Variants in DDX54 observed in about 807,000 individuals in gnomAD.
The protein encoded by DDX54 is ATP-dependent RNA helicase DDX54.
DDX54 carries 67 observed loss-of-function variants against 105.5 expected under a neutral mutation model. The observed-to-expected ratio is 0.64, with a 90% confidence interval of 0.52 to 0.78. The LOEUF is 0.78. DDX54 is among the 30% of genes least tolerant of loss of function. DDX54 has a pLI of 0.00. For missense variants in DDX54, 1,206 were observed against 1,230.5 expected (o/e 0.98, Z 0.30); for synonymous variants, 514 against 509.9 (o/e 1.01, Z -0.11).
chr12:113,164,960 A>C (rs4767063), intron 14 of DDX54, among the ~76,000 whole-genome samples: 39,525 of 148,474 alleles, frequency 0.27, 6,206 homozygotes, highest in Middle Eastern at 0.4. Context: ...CCAGGAGGTC[A>C]AGGCTGCAGT....
rs751370189 is a variant in DDX54 at position 113,169,797 on chromosome 12, G to A, written c.1387C>T (p.Leu463Phe). The A allele has an allele frequency of 6.2e-7, 1 of 1,614,128 alleles. No individual in the cohort carries two copies. Among genetic ancestry groups the A allele is most frequent in the South Asian group, 1.1e-5 (1 of 91,082 alleles). The change falls in exon 12 of 20, where the codon CTC becomes TTC. Residue 463 changes from leucine to phenylalanine, a missense_variant. Physicochemically the swap from Leu to Phe is conservative, Grantham distance 22. Coordinates refer to ENST00000306014, the MANE Select transcript of DDX54 (RefSeq NM_024072.4). The stretch of plus-strand genomic sequence containing the variant: ...GAGGGCTCCTTGAGGGGTCGGGCGA[G>A]GGTGAGGGAGCGGCCCAGGAACAGG... ...LHLFLGRSLT[L>F]ARPLKEPSGV... is the part of the protein sequence containing the mutation.
intron 18 of DDX54, 187 bp from the exon 19 acceptor site, chr12:113,161,569 A>G (rs994497266): frequency 6.5e-5 from 32 of 490,318 alleles, no homozygotes; most frequent in South Asian, 6.2e-4. Flanking sequence ...CGCCCCCAGC[A>G]CCAGGTCCCA....
chr12:113,157,434 C>T lies in DDX54; in HGVS notation c.*1443G>A, dbSNP rs186798120. On this transcript the variant is annotated 3_prime_UTR_variant, in exon 20 of 20. Transcript: ENST00000306014. ...GGCCTGAGGCTTTCAAAACCCAGAA[C>T]GGTTTAGGATCTCAGTCACCACCTC... The T allele has an allele frequency of 9.0e-4, 556 of 618,220 alleles. 1 individual carries two copies. The highest frequency in any genetic ancestry group is 1.1e-3 in the Non-Finnish European group (378 of 349,958). 38.3% of individuals were successfully genotyped at this position (618,220 alleles called of 1,614,324 possible). A position where few individuals can be genotyped will look rare whatever the true frequency, so the allele number is the denominator to read the frequency against.
At position 113,176,948 on chromosome 12, in the gene DDX54, G is replaced by A. The variant is rs1221196701; in HGVS notation, c.657-13C>T. On this transcript the variant is annotated splice_polypyrimidine_tract_variant and intron_variant, in intron 6 of 19. Coordinates refer to ENST00000306014, the MANE Select transcript of DDX54 (RefSeq NM_024072.4). ...CGTGGCAATAATTCTGGAAGAGGGT[G>A]CACAGGCCAGGTGACCCCAGGGCCA... 33 of 1,614,120 alleles carry A rather than the reference G, an allele frequency of 2.0e-5. No homozygotes were observed. Among genetic ancestry groups the A allele is most frequent in the Non-Finnish European group, 2.8e-5 (33 of 1,179,972 alleles).
At position 113,163,359 on chromosome 12, in the gene DDX54, A is replaced by G; in HGVS notation, c.1939-85T>C. 1 of 1,518,240 alleles carries G rather than the reference A, an allele frequency of 6.6e-7. No individual in the cohort carries two copies. The highest frequency in any genetic ancestry group is 8.8e-7 in the Non-Finnish European group (1 of 1,136,494). The allele number at this position is 1,518,240 out of a possible 1,614,324, so 94.0% of individuals were successfully genotyped here. On this transcript the variant is annotated intron_variant, in intron 15 of 19. Transcript: ENST00000306014. The surrounding 1 kb of genome is among the most constrained non-coding windows in gnomAD (Gnocchi z 5.9). ...TGCCTCCCTACCCACCAGCCTGGCC[A>G]CAGTGAGGGGCCAGTGGCTTCTCGG...
rs200064512 is a variant in DDX54 at position 113,179,960 on chromosome 12, T to G, written c.350A>C (p.Lys117Thr). ...CTTCCTCTGGATGGGTGTTGGCACC[T>G]TGTACCCCTTCTTCATGATGCCTTT... ...VFKGIMKKGY[K>T]VPTPIQRKTI... Residue 117 changes from lysine (K) to threonine (T), a missense_variant, in exon 3 of 20, where the codon AAG becomes ACG. By Grantham distance (78) the Lys-to-Thr change is moderately conservative (BLOSUM62 -1). Around this residue, in one of 3 missense-constraint regions of DDX54, gnomAD observed 33 missense variants for 56.0 expected, o/e 0.59. Coordinates refer to ENST00000306014, the MANE Select transcript of DDX54 (RefSeq NM_024072.4). 1 of 1,614,112 alleles carries G rather than the reference T, an allele frequency of 6.2e-7. No homozygotes were observed. The highest frequency in any genetic ancestry group is 1.3e-5 in the African/African-American group (1 of 75,012).
intron 12 of DDX54, among the ~76,000 whole-genome samples, chr12:113,168,738 G>A (rs1056224163): frequency 6.6e-6 from 1 of 152,056 alleles, no homozygotes; most frequent in Non-Finnish European, 1.5e-5. Context: ...CAAGACCAGC[G>A]TGGCCAACAT....
At chr12:113,159,415 T>C (rs998486924) in intron 19 of DDX54, 11 of 440,046 alleles carry the variant, frequency 2.5e-5, no homozygotes, top group Non-Finnish European at 4.4e-5. Flanking sequence ...ACCTCCCTCA[T>C]GGGTGAAGAG....
intron 12 of DDX54, 131 bp from the exon 13 acceptor site, chr12:113,166,163 G>T (rs1286778931): frequency 1.1e-6 from 1 of 870,900 alleles, no homozygotes; most frequent in Non-Finnish European, 1.7e-6. Context: ...TCACTGCAAA[G>T]AACACCAGCA....
Position 113,172,503 on chromosome 12 carries a change from G to A in DDX54, c.1129C>T (p.Arg377Cys), listed in dbSNP as rs1276574718. ...HIYSALDPTA[R>C]KINLAKFTLG... ...GTGAATTTGGCGAGATTGATCTTGC[G>A]GGCTGTCGGGTCTAGGGCACTGTAG... Residue 377 changes from arginine to cysteine, a missense_variant, in exon 11 of 20, where the codon CGC becomes TGC. Physicochemically the swap from Arg to Cys is radical, Grantham distance 180. Coordinates refer to ENST00000306014, the MANE Select transcript of DDX54 (RefSeq NM_024072.4). The A allele has an allele frequency of 6.2e-6, 10 of 1,614,132 alleles. No homozygotes were observed. The highest frequency in any genetic ancestry group is 1.3e-5 in the African/African-American group (1 of 74,954).
chr12:113,164,534 C>T (rs931496150), intron 14 of DDX54, among the ~76,000 whole-genome samples: 3 of 151,878 alleles, frequency 2.0e-5, no homozygotes, highest in African/African-American at 4.8e-5. Context: ...GCCAACACGG[C>T]GAAACCCCAT....
chr12:113,163,047 T>C lies in DDX54; in HGVS notation c.2082-2A>G, dbSNP rs2136314438. On this transcript the variant is annotated splice_acceptor_variant, in intron 16 of 19. Coordinates refer to ENST00000306014, the MANE Select transcript of DDX54 (RefSeq NM_024072.4). LOFTEE classifies it high-confidence loss of function. The surrounding 1 kb of genome is among the most constrained non-coding windows in gnomAD (Gnocchi z 5.9). ...CCCCCTTCCCCGCTGATGCTCAGGCTGCAGAGGGAGAGTGGGAGACATAAT... is the reference window on the plus strand; with the variant it reads ...CCCCCTTCCCCGCTGATGCTCAGGCCGCAGAGGGAGAGTGGGAGACATAAT... 1 of 1,609,078 alleles carries C rather than the reference T, an allele frequency of 6.2e-7. No individual in the cohort carries two copies. The highest frequency in any genetic ancestry group is 8.5e-7 in the Non-Finnish European group (1 of 1,178,952).
Position 113,177,250 on chromosome 12 carries a change from G to A in DDX54, c.615-157C>T, listed in dbSNP as rs144023194. On this transcript the variant is annotated intron_variant, in intron 5 of 19. Transcript: ENST00000306014. Reference sequence around the variant, plus strand: ...GCCAGTGCTGAGGTATGAGGCAAAGGCATTGCCCTGACAAGAGATACAAGC... The same window carrying A: ...GCCAGTGCTGAGGTATGAGGCAAAGACATTGCCCTGACAAGAGATACAAGC... The A allele has an allele frequency of 3.3e-4, 244 of 737,750 alleles. No individual in the cohort carries two copies. In the African/African-American group the frequency reaches 3.6e-3, roughly 11 times the overall value. 45.7% of individuals were successfully genotyped at this position (737,750 alleles called of 1,614,324 possible).
At chr12:113,161,739 C>T (rs1190729376) in intron 18 of DDX54, among the ~76,000 whole-genome samples, 154 bp downstream of exon 18, 1 of 149,018 alleles carries the variant, frequency 6.7e-6, no homozygotes, top group Non-Finnish European at 1.5e-5. Flanking sequence ...CCCCCAGCAC[C>T]AGGTCCCATC....
intron 1 of DDX54, among the ~76,000 whole-genome samples, chr12:113,182,919 G>A (rs1182738880): frequency 1.3e-5 from 2 of 149,820 alleles, no homozygotes; most frequent in African/African-American, 4.9e-5. Flanking sequence ...AGTCTCCCAG[G>A]CTGGAGTGCA....
At chr12:113,160,078 G>A (rs763417035) in intron 19 of DDX54, among the ~76,000 whole-genome samples, 3 of 152,214 alleles carry the variant, frequency 2.0e-5, no homozygotes, top group Non-Finnish European at 2.9e-5. Flanking sequence ...GGCAATGCTC[G>A]CAGCAGAAGC....
intron 12 of DDX54, chr12:113,167,895 C>T: frequency 2.0e-6 from 1 of 503,086 alleles, no homozygotes; most frequent in South Asian, 1.4e-5. Flanking sequence ...CCATTTCCTC[C>T]TGCTCCTGCC....
At chr12:113,178,056 C>T (rs141040701) in intron 5 of DDX54, among the ~76,000 whole-genome samples, 9 of 152,052 alleles carry the variant, frequency 5.9e-5, no homozygotes, top group Admixed American at 2.0e-4. Flanking sequence ...AGTAACATGG[C>T]GAGACCTCAT....
intron 19 of DDX54, 129 bp from the exon 20 acceptor site, chr12:113,159,238 G>T: frequency 3.9e-6 from 4 of 1,035,408 alleles, no homozygotes; most frequent in Non-Finnish European, 2.7e-6. Flanking sequence ...CCCAGTGTCT[G>T]TACACAGTAG....
Sources: gnomAD v4.1 joint callset for allele counts (sites outside exome capture counted in the v4.1 genomes callset) on GRCh38, gnomAD v4.1.1 for gene constraint, gnomAD v4.1.1 regional missense constraint, Gnocchi (gnomAD v3.1) non-coding constraint, MANE v1.5 for transcripts, NCBI Gene and HGNC (gene_info 2026-07-23, HGNC 2026-07-21) for gene names.